The following SKA3 variants were observed in gnomAD, a reference collection of about 807,000 sequenced individuals.
SKA3 encodes spindle and kinetochore associated complex subunit 3.
In SKA3, 39 loss-of-function variants were observed where a neutral mutation model predicts 44.2. That is an observed-to-expected ratio of 0.88 (90% confidence interval 0.68 to 1.15). The LOEUF (loss-of-function observed/expected upper bound fraction) is 1.15. SKA3 is among the 50% of genes most tolerant of loss of function. SKA3 has a pLI of 0.00. For missense variants in SKA3, 511 were observed against 485.8 expected, an observed-to-expected ratio of 1.05 and a Z score of -0.49; for synonymous variants, 192 against 172.0, an observed-to-expected ratio of 1.12 and a Z score of -0.91.
At chr13:21,164,402 C>A (rs1461644184) in intron 4 of SKA3, among the ~76,000 whole-genome samples, 1 of 152,100 alleles carries the variant, frequency 6.6e-6, no homozygotes, top group African/African-American at 2.4e-5. Flanking sequence ...CACCACTGTG[C>A]CAAAATGTTT....
intron 1 of SKA3, among the ~76,000 whole-genome samples, chr13:21,174,319 G>C (rs1238525352): frequency 6.6e-6 from 1 of 152,152 alleles, no homozygotes; most frequent in Admixed American, 6.6e-5. Context: ...ATTCACAATA[G>C]CAAAGACTTG....
intron 3 of SKA3, among the ~76,000 whole-genome samples, chr13:21,169,182 T>C (rs1390471362): frequency 6.6e-6 from 1 of 151,568 alleles, no homozygotes; most frequent in Non-Finnish European, 1.5e-5. Context: ...ACAACTGTTC[T>C]GAGAAAAGGC....
chr13:21,155,087 C>A lies in SKA3; in HGVS notation c.*63G>T. Reference sequence around the variant, plus strand: ...GGCAGGGCAATGTGAATGTTAAAATCGGTCCAGCTCGGCTTTCATCTCATT... The same window carrying A: ...GGCAGGGCAATGTGAATGTTAAAATAGGTCCAGCTCGGCTTTCATCTCATT... On this transcript the variant is annotated 3_prime_UTR_variant, in exon 9 of 9. Coordinates refer to ENST00000314759, the MANE Select transcript of SKA3 (RefSeq NM_145061.6). The A allele has an allele frequency of 6.2e-7, 1 of 1,606,048 alleles. No homozygotes were observed. Among genetic ancestry groups the A allele is most frequent in the Non-Finnish European group, 8.5e-7 (1 of 1,175,098 alleles).
chr13:21,156,572 C>T (rs1870131287), intron 7 of SKA3, among the ~76,000 whole-genome samples: 1 of 152,128 alleles, frequency 6.6e-6, no homozygotes, highest in African/African-American at 2.4e-5. Context: ...TTCATAAAGA[C>T]AGAAGATGCT....
chr13:21,169,283 C>G (rs1870905512), intron 3 of SKA3, among the ~76,000 whole-genome samples: 1 of 151,988 alleles, frequency 6.6e-6, no homozygotes, highest in Non-Finnish European at 1.5e-5. Context: ...GTCCCCCAGG[C>G]TGGAGTGCAG....
At chr13:21,159,100 A>G (rs1870294524) in intron 6 of SKA3, among the ~76,000 whole-genome samples, 1 of 152,242 alleles carries the variant, frequency 6.6e-6, no homozygotes. Context: ...TAAAATTTAA[A>G]GAAGTAAATA....
At position 21,172,371 on chromosome 13, in the gene SKA3, T is replaced by C. The variant is rs746960127; in HGVS notation, c.299A>G (p.Tyr100Cys). 1.8e-5 allele frequency: 28 copies of C among 1,579,178 alleles called. No homozygotes were observed. Among genetic ancestry groups the C allele is most frequent in the Middle Eastern group, 3.3e-4 (2 of 5,978 alleles). Residue 100 changes from tyrosine (Y) to cysteine (C), a missense_variant, in exon 3 of 9, where the codon TAT (tyrosine) becomes TGT (cysteine). Physicochemically the swap from Tyr to Cys is radical, Grantham distance 194 (BLOSUM62 -2). Transcript: ENST00000314759. ...TTTCTTGACACGTGGACTATATCCA[T>C]ACTTCTGGAAATACTCTCTTATTTT... ...IMKIREYFQK[Y>C]GYSPRVKKNS... is the part of the protein sequence containing the mutation.
At chr13:21,156,091 G>A (rs1870103450) in intron 7 of SKA3, among the ~76,000 whole-genome samples, 1 of 150,876 alleles carries the variant, frequency 6.6e-6, no homozygotes, top group Non-Finnish European at 1.5e-5. Flanking sequence ...GGAGGCTGAG[G>A]CCCAAGAATT....
At chr13:21,162,345 T>C (rs192698741) in intron 4 of SKA3, among the ~76,000 whole-genome samples, 50 of 151,298 alleles carry the variant, frequency 3.3e-4, no homozygotes, top group African/African-American at 1.1e-3. Context: ...TGACCCATGC[T>C]GTCTTTAACA....
intron 1 of SKA3, among the ~76,000 whole-genome samples, chr13:21,174,410 G>C (rs112011657): frequency 1.3e-5 from 2 of 151,968 alleles, no homozygotes; most frequent in Non-Finnish European, 1.5e-5. Flanking sequence ...CATAAAAAAG[G>C]ATAAGTTCAT....
At chr13:21,159,428 GTA>G (rs575431825) in intron 6 of SKA3, among the ~76,000 whole-genome samples, 1 of 152,020 alleles carries the variant, frequency 6.6e-6, no homozygotes, top group Admixed American at 6.6e-5. Flanking sequence ...TAAAATATGT[GTA>G]TATATATGTG....
rs528567139 is a variant in SKA3, at chr13:21,175,571, G to C, written c.103+804C>G. Among the ~76,000 whole-genome samples the C allele has an allele frequency of 2.6e-5, 4 of 152,188 alleles. No homozygotes were observed. The South Asian group carries it at 6.2e-4, about 24-fold the overall frequency. Reference sequence around the variant, plus strand: ...GATTACAGGCGTGAGCCACCGCGCCGGGCAGAAATAGACATTTTCAAGTGA... The same window carrying C: ...GATTACAGGCGTGAGCCACCGCGCCCGGCAGAAATAGACATTTTCAAGTGA... On this transcript the variant is annotated intron_variant, in intron 1 of 8. Coordinates refer to ENST00000314759, the MANE Select transcript of SKA3 (RefSeq NM_145061.6).
In SKA3 at chr13:21,176,428, G is replaced by A. The variant is rs1310806457; in HGVS notation, c.50C>T (p.Thr17Met). Reference sequence around the variant, plus strand: ...CAGCCGGGCCGTCTCGCAGTCCAGCGTGCTGGCCAGAGACCGCAGCTTCCC... The same window carrying A: ...CAGCCGGGCCGTCTCGCAGTCCAGCATGCTGGCCAGAGACCGCAGCTTCCC... The part of the protein sequence containing the change: ...FCGKLRSLAS[T>M]LDCETARLQR... Residue 17 changes from threonine to methionine, a missense_variant, in exon 1 of 9, where the codon ACG becomes ATG. Transcript: ENST00000314759. The A allele has an allele frequency of 1.3e-6, 2 of 1,585,490 alleles. No homozygotes were observed. Among genetic ancestry groups the A allele is most frequent in the Non-Finnish European group, 1.7e-6 (2 of 1,167,166 alleles).
In SKA3 at chr13:21,155,819, A is replaced by AGACG. The variant is rs779944858; in HGVS notation, c.1120-9_1120-8insCGTC. 7.0e-7 allele frequency: 1 copy of AGACG among 1,425,682 alleles called. No individual in the cohort carries two copies. Among genetic ancestry groups the AGACG allele is most frequent in the Admixed American group, 1.9e-5 (1 of 53,954 alleles). 88.3% of individuals were successfully genotyped at this position (1,425,682 alleles called of 1,614,324 possible). A position where few individuals can be genotyped will look rare whatever the true frequency, so the allele number is the denominator to read the frequency against. On this transcript the variant is annotated splice_polypyrimidine_tract_variant and intron_variant, in intron 7 of 8. Coordinates refer to ENST00000314759, the MANE Select transcript of SKA3 (RefSeq NM_145061.6). ...GTTGTATTTTGATAAAAGCTAAAAA[A>AGACG]AAAAAAGGAAATTCCTTTTTATCGA...
At chr13:21,165,010 CAG>C (rs1395392995) in intron 4 of SKA3, among the ~76,000 whole-genome samples, 2 of 152,044 alleles carry the variant, frequency 1.3e-5, no homozygotes, top group African/African-American at 4.8e-5. Flanking sequence ...ACTGTTTAAA[CAG>C]ATAACTTATC....
In SKA3 at chr13:21,159,894, A is replaced by G. The variant is rs1230052120; in HGVS notation, c.915+8T>C. 3.4e-6 allele frequency: 4 copies of G among 1,193,702 alleles called. No individual in the cohort carries two copies. The highest frequency in any genetic ancestry group is 4.5e-6 in the Non-Finnish European group (4 of 898,868). The allele number at this position is 1,193,702 out of a possible 1,614,324, so 73.9% of individuals were successfully genotyped here. A position where few individuals can be genotyped will look rare whatever the true frequency, so the allele number is the denominator to read the frequency against. ...AAGACTGTGGCTTTCAATTTTATGG[A>G]AAGTTACCAAAGCTATGCTGTTCTT... On this transcript the variant is annotated splice_region_variant and intron_variant, in intron 6 of 8. Coordinates refer to ENST00000314759, the MANE Select transcript of SKA3 (RefSeq NM_145061.6).
At chr13:21,175,959 A>G (rs886487946) in intron 1 of SKA3, among the ~76,000 whole-genome samples, 1 of 152,238 alleles carries the variant, frequency 6.6e-6, no homozygotes, top group African/African-American at 2.4e-5. Flanking sequence ...TTAGGTTTAC[A>G]TGGTATTTTA....
chr13:21,172,223 G>T, intron 3 of SKA3, 116 bp downstream of exon 3: 1 of 574,146 alleles, frequency 1.7e-6, no homozygotes, highest in Non-Finnish European at 2.8e-6. Context: ...TCAAATAAGC[G>T]TCAGATAACA....
intron 7 of SKA3, 72 bp downstream of exon 7, chr13:21,157,850 T>C (rs1870198627): frequency 1.1e-6 from 1 of 945,986 alleles, no homozygotes. Context: ...TATATGCAGT[T>C]TCAGGTCTTT....
Sources: gnomAD v4.1 joint callset for allele counts (sites outside exome capture counted in the v4.1 genomes callset) on GRCh38, gnomAD v4.1.1 for gene constraint, MANE v1.5 for transcripts, NCBI Gene and HGNC (gene_info 2026-07-23, HGNC 2026-07-21) for gene names.